Variants in MCCC1 observed in about 807,000 individuals in gnomAD.
MCCC1 encodes the protein methylcrotonyl-CoA carboxylase subunit 1.
In MCCC1, 64 loss-of-function variants were observed where a neutral mutation model predicts 83.8. The observed-to-expected ratio is 0.76, with a 90% CI of 0.62 to 0.94. The LOEUF (loss-of-function observed/expected upper bound fraction) is 0.94. Ranked by LOEUF, MCCC1 falls within the 40% of genes least tolerant of loss-of-function variation. MCCC1 has a pLI of 0.00. For synonymous variants in MCCC1, 322 were observed against 315.4 expected (o/e 1.02, Z -0.22); for missense variants, 807 against 904.7 (o/e 0.89, Z 1.39).
chr3:183,033,217 C>T (rs1350332859), intron 14 of MCCC1, among the ~76,000 whole-genome samples: 3 of 152,254 alleles, frequency 2.0e-5, no homozygotes, highest in Non-Finnish European at 4.4e-5. Context: ...GCGTCAGCCT[C>T]TTTTGACATC....
At chr3:183,022,352 A>C in intron 16 of MCCC1, 65 bp downstream of exon 16, 9 of 1,566,680 alleles carry the variant, frequency 5.7e-6, no homozygotes, top group Non-Finnish European at 7.9e-6. Context: ...CTTTCAGTGG[A>C]ATGTCTCTGG....
At chr3:183,053,239 G>C (rs977594738) in intron 8 of MCCC1, among the ~76,000 whole-genome samples, 16 of 152,122 alleles carry the variant, frequency 1.1e-4, no homozygotes, top group Non-Finnish European at 2.1e-4. Flanking sequence ...GGGAGGCCGA[G>C]ACGGGTGAAG....
intron 8 of MCCC1, among the ~76,000 whole-genome samples, chr3:183,056,943 C>T (rs1445294193): frequency 1.3e-5 from 2 of 152,224 alleles, no homozygotes; most frequent in Non-Finnish European, 2.9e-5. Flanking sequence ...GATCCACCCA[C>T]CTCGGCCTCC....
chr3:183,017,108 C>T (rs576785110), intron 18 of MCCC1, 158 bp downstream of exon 18: 8 of 685,782 alleles, frequency 1.2e-5, no homozygotes, highest in Admixed American at 7.0e-5. Context: ...CTCTTTTCTA[C>T]AAGAAGGATA....
chr3:183,063,379 G>A (rs1011655323), intron 7 of MCCC1, among the ~76,000 whole-genome samples: 1 of 152,018 alleles, frequency 6.6e-6, no homozygotes, highest in Non-Finnish European at 1.5e-5. Flanking sequence ...CTTTAAAGGT[G>A]GTTTCTTATC....
At chr3:183,066,719 A>G (rs183351507) in intron 7 of MCCC1, among the ~76,000 whole-genome samples, 538 of 152,374 alleles carry the variant, frequency 3.5e-3, no homozygotes, top group Non-Finnish European at 6.3e-3. Context: ...ACTCTCATGG[A>G]AAGTTGAAAT....
chr3:183,066,881 G>T (rs1000092423), intron 7 of MCCC1, among the ~76,000 whole-genome samples: 1 of 152,182 alleles, frequency 6.6e-6, no homozygotes, highest in African/African-American at 2.4e-5. Context: ...GCTATTGACA[G>T]CTTTTTAAAC....
intron 1 of MCCC1, among the ~76,000 whole-genome samples, chr3:183,108,538 C>T (rs62293235): frequency 0.49 from 73,962 of 152,016 alleles, 21,400 homozygotes; most frequent in Non-Finnish European, 0.65. Flanking sequence ...ACCACTCCTT[C>T]TCAACATTAC....
At chr3:183,057,924 AG>A (rs2108506491) in intron 7 of MCCC1, among the ~76,000 whole-genome samples, 1 of 152,328 alleles carries the variant, frequency 6.6e-6, no homozygotes, top group South Asian at 2.1e-4. Context: ...TACCATTTGT[AG>A]GATGAATATT....
chr3:183,035,262 G>A (rs1713471930), intron 13 of MCCC1, among the ~76,000 whole-genome samples: 1 of 152,104 alleles, frequency 6.6e-6, no homozygotes, highest in Non-Finnish European at 1.5e-5. Context: ...ATACCACATG[G>A]GACGTATTTA....
intron 1 of MCCC1, among the ~76,000 whole-genome samples, chr3:183,095,052 G>A (rs1718638771): frequency 6.6e-6 from 1 of 152,138 alleles, no homozygotes; most frequent in South Asian, 2.1e-4. Context: ...GGGAAGCCGA[G>A]GCAAGCAGAT....
intron 4 of MCCC1, among the ~76,000 whole-genome samples, chr3:183,084,589 A>T (rs1717752710): frequency 1.3e-5 from 2 of 152,230 alleles, no homozygotes; most frequent in African/African-American, 2.4e-5. Context: ...TAAAGAAGAG[A>T]TACATCAATA....
intron 7 of MCCC1, among the ~76,000 whole-genome samples, chr3:183,063,700 G>A (rs554051410): frequency 6.6e-6 from 1 of 152,236 alleles, no homozygotes; most frequent in South Asian, 2.1e-4. Flanking sequence ...CTCTCTTGGG[G>A]TCTGGATCAG....
intron 9 of MCCC1, 42 bp from the exon 10 acceptor site, chr3:183,045,582 T>C (rs1714490783): frequency 6.2e-7 from 1 of 1,610,338 alleles, no homozygotes; most frequent in East Asian, 2.2e-5. Context: ...TAGTGTATAA[T>C]CAGTAGCAAA....
intron 17 of MCCC1, among the ~76,000 whole-genome samples, chr3:183,019,690 C>G (rs181761891): frequency 6.6e-6 from 1 of 152,214 alleles, no homozygotes; most frequent in African/African-American, 2.4e-5. Context: ...TTATATACTG[C>G]ATTCAACACC....
At chr3:183,034,203 C>CACTTTGGG (rs1686830591) in intron 13 of MCCC1, 126 bp from the exon 14 acceptor site, 1 of 691,392 alleles carries the variant, frequency 1.4e-6, no homozygotes, top group Non-Finnish European at 2.5e-6. Flanking sequence ...GTAATCCCAG[C>CACTTTGGG]ACTTTGGGAG....
chr3:183,093,151 C>A (rs1718491405), intron 2 of MCCC1, among the ~76,000 whole-genome samples: 1 of 152,156 alleles, frequency 6.6e-6, no homozygotes, highest in African/African-American at 2.4e-5. Flanking sequence ...GCCTTGGCCT[C>A]CCGAAGTGCT....
chr3:183,083,373 G>A (rs1053839888), intron 4 of MCCC1, among the ~76,000 whole-genome samples: 15 of 152,154 alleles, frequency 9.9e-5, no homozygotes, highest in Admixed American at 7.9e-4. Context: ...TAAATTTTCT[G>A]ATTTAATTCC....
chr3:183,043,485 T>C (rs1714286094), intron 10 of MCCC1, among the ~76,000 whole-genome samples: 1 of 152,230 alleles, frequency 6.6e-6, no homozygotes, highest in Admixed American at 6.5e-5. Flanking sequence ...CACTGTTAAC[T>C]ATCTGTATCT....
Sources: allele counts gnomAD v4.1 joint callset (sites outside exome capture counted in the v4.1 genomes callset), GRCh38; gene constraint gnomAD v4.1.1; transcripts MANE v1.5; gene names NCBI Gene and HGNC (gene_info 2026-07-23, HGNC 2026-07-21).